Variants in PTPRM observed in about 807,000 individuals in gnomAD.
PTPRM encodes receptor-type tyrosine-protein phosphatase mu.
Under a neutral mutation model 186.7 loss-of-function variants are expected in PTPRM, and 47 were observed. The ratio of observed to expected loss-of-function variants is 0.25; its 90% CI spans 0.20 to 0.32. The LOEUF is 0.32. PTPRM is among the 10% of genes least tolerant of loss of function. The probability of loss-of-function intolerance (pLI) is 1.00; values close to 1 mark genes in which losing one functional copy is unlikely to be tolerated. For missense variants in PTPRM, 1,494 were observed against 1,865.0 expected, an observed-to-expected ratio of 0.80 and a Z score of 3.66; for synonymous variants, 668 against 674.9, an observed-to-expected ratio of 0.99 and a Z score of 0.16.
At chr18:7,883,076 T>A (rs1567963723) in intron 2 of PTPRM, among the ~76,000 whole-genome samples, 1 of 152,222 alleles carries the variant, frequency 6.6e-6, no homozygotes, top group African/African-American at 2.4e-5. Context: ...TGAAGCTGAC[T>A]CCATCATGCA....
chr18:8,113,098 A>G (rs1396451649), intron 11 of PTPRM, among the ~76,000 whole-genome samples: 1 of 152,238 alleles, frequency 6.6e-6, no homozygotes, highest in Non-Finnish European at 1.5e-5. Context: ...AAATAAACTT[A>G]CAGTTGGTAT....
At chr18:7,935,431 T>TAA (rs897304511) in intron 5 of PTPRM, among the ~76,000 whole-genome samples, 19 of 152,202 alleles carry the variant, frequency 1.2e-4, no homozygotes, top group African/African-American at 3.6e-4. Context: ...TATTTAAAAA[T>TAA]AAACATTTCT....
intron 14 of PTPRM, among the ~76,000 whole-genome samples, chr18:8,199,400 G>A (rs780194378): frequency 1.3e-5 from 2 of 152,156 alleles, no homozygotes; most frequent in Non-Finnish European, 2.9e-5. Context: ...GGAAGAAAAA[G>A]AGAACGTTTA....
rs909648993 is a variant in PTPRM, at chr18:7,845,906, C to A, written c.197-42200C>A. On this transcript the variant is annotated intron_variant, in intron 2 of 32. Coordinates refer to ENST00000580170, the MANE Select transcript of PTPRM (RefSeq NM_001105244.2). ...GAGGGAAGGGAAGGAAGCAGCCTTA[C>A]TTCCCCCTCTGCCCAATCCTGTAAT... 2.0e-5 allele frequency among the ~76,000 whole-genome samples: 3 copies of A among 152,088 alleles called. No individual in the cohort carries two copies. In the South Asian group the frequency reaches 6.2e-4, roughly 31 times the overall value.
chr18:8,191,612 G>C (rs2093710709), intron 14 of PTPRM, among the ~76,000 whole-genome samples: 1 of 152,110 alleles, frequency 6.6e-6, no homozygotes, highest in South Asian at 2.1e-4. Context: ...TCACACAAAT[G>C]CATGTGCACA....
intron 14 of PTPRM, among the ~76,000 whole-genome samples, chr18:8,234,677 G>A (rs1218245861): frequency 1.3e-5 from 2 of 152,126 alleles, no homozygotes; most frequent in African/African-American, 4.8e-5. Context: ...TTGTGGGAAA[G>A]CTTTTATTTT....
chr18:8,293,707 A>AAGAGTATCT (rs1201678036), intron 19 of PTPRM, among the ~76,000 whole-genome samples: 1 of 152,196 alleles, frequency 6.6e-6, no homozygotes, highest in African/African-American at 2.4e-5. Flanking sequence ...TATTCAGAAA[A>AAGAGTATCT]AGAGTATCTG....
At chr18:8,120,553 C>T (rs554130654) in intron 13 of PTPRM, among the ~76,000 whole-genome samples, 2 of 146,786 alleles carry the variant, frequency 1.4e-5, no homozygotes, top group East Asian at 2.0e-4. Flanking sequence ...AGTGTAGTGG[C>T]GCGATCTCTG....
At chr18:7,752,261 T>A (rs1182698738) in intron 1 of PTPRM, among the ~76,000 whole-genome samples, 1 of 152,226 alleles carries the variant, frequency 6.6e-6, no homozygotes, top group Non-Finnish European at 1.5e-5. Flanking sequence ...CTTCGGGATC[T>A]GATCATCTTT....
chr18:8,136,100 T>G (rs1443062327), intron 13 of PTPRM, among the ~76,000 whole-genome samples: 1 of 152,230 alleles, frequency 6.6e-6, no homozygotes, highest in African/African-American at 2.4e-5. Flanking sequence ...TCCATTTTAA[T>G]GCCTTCAAAG....
intron 1 of PTPRM, among the ~76,000 whole-genome samples, chr18:7,763,239 A>G (rs1568094272): frequency 1.3e-5 from 2 of 152,192 alleles, no homozygotes; most frequent in Admixed American, 6.5e-5. Context: ...CATGAAAATT[A>G]TTTGGACCCC....
intron 1 of PTPRM, among the ~76,000 whole-genome samples, chr18:7,569,536 G>C (rs2036519971): frequency 6.6e-6 from 1 of 152,196 alleles, no homozygotes; most frequent in South Asian, 2.1e-4. Context: ...AGCCAAGTAT[G>C]AGAGCCCTAG....
intron 1 of PTPRM, among the ~76,000 whole-genome samples, chr18:7,645,774 G>T (rs1389111988): frequency 2.0e-5 from 3 of 152,176 alleles, no homozygotes; most frequent in African/African-American, 7.2e-5. Context: ...CACTGTAGAA[G>T]AATAGACCAT....
chr18:8,113,382 G>A, intron 11 of PTPRM, 104 bp from the exon 12 acceptor site: 2 of 1,044,798 alleles, frequency 1.9e-6, no homozygotes, highest in South Asian at 3.0e-5. Context: ...ACTGCGTCCA[G>A]TGTGTTCTTT....
chr18:8,187,956 T>C (rs2093663958), intron 14 of PTPRM, among the ~76,000 whole-genome samples: 1 of 152,228 alleles, frequency 6.6e-6, no homozygotes, highest in African/African-American at 2.4e-5. Flanking sequence ...ATATTAAACA[T>C]CGTATTTTTT....
chr18:8,105,600 T>A (rs1269358062), intron 11 of PTPRM, among the ~76,000 whole-genome samples: 1 of 152,218 alleles, frequency 6.6e-6, no homozygotes, highest in Non-Finnish European at 1.5e-5. Context: ...CCTCCCCTAC[T>A]TTTCACATTT....
intron 1 of PTPRM, among the ~76,000 whole-genome samples, chr18:7,633,842 G>T (rs188074426): frequency 6.6e-6 from 1 of 152,226 alleles, no homozygotes; most frequent in Admixed American, 6.5e-5. Context: ...TACCTTCACA[G>T]TATTTCCAAC....
intron 14 of PTPRM, among the ~76,000 whole-genome samples, chr18:8,184,566 G>A (rs2093618419): frequency 6.6e-6 from 1 of 152,150 alleles, no homozygotes; most frequent in Admixed American, 6.5e-5. Flanking sequence ...TAGATGTAAT[G>A]CTAAGAACAA....
intron 1 of PTPRM, among the ~76,000 whole-genome samples, chr18:7,725,539 G>A (rs1330128514): frequency 6.6e-6 from 1 of 151,710 alleles, no homozygotes; most frequent in East Asian, 1.9e-4. Flanking sequence ...ACCACCCATG[G>A]CCCTGCCCCC....
Sources: gnomAD v4.1 joint callset for allele counts (sites outside exome capture counted in the v4.1 genomes callset) on GRCh38, gnomAD v4.1.1 for gene constraint, MANE v1.5 for transcripts, NCBI Gene and HGNC (gene_info 2026-07-23, HGNC 2026-07-21) for gene names.